Variants in SEPTIN9 observed in about 807,000 individuals in gnomAD.
The protein encoded by SEPTIN9 is septin 9.
A neutral mutation model predicts 56.6 loss-of-function variants in SEPTIN9; 13 were observed. That is an observed-to-expected ratio of 0.23 (90% CI 0.15 to 0.37). SEPTIN9 has a LOEUF of 0.37. SEPTIN9 is among the 10% of genes least tolerant of loss of function. The probability of loss-of-function intolerance (pLI) is 1.00; values close to 1 mark genes in which losing one functional copy is unlikely to be tolerated. For missense variants in SEPTIN9, 650 were observed against 823.1 expected (o/e 0.79, Z 2.57); for synonymous variants, 332 against 334.1 (o/e 0.99, Z 0.07).
At chr17:77,480,011 T>C (rs1336820809) in intron 3 of SEPTIN9, among the ~76,000 whole-genome samples, 1 of 152,054 alleles carries the variant, frequency 6.6e-6, no homozygotes, top group Non-Finnish European at 1.5e-5. Context: ...GGAGAGTATT[T>C]CTGAAGGGGG....
At chr17:77,394,145 A>T (rs556342429) in intron 2 of SEPTIN9, among the ~76,000 whole-genome samples, 1 of 152,092 alleles carries the variant, frequency 6.6e-6, no homozygotes, top group Non-Finnish European at 1.5e-5. Context: ...AGCCTTTGCA[A>T]CTGGACCCCA....
In SEPTIN9 at chr17:77,499,044, A is replaced by G; in HGVS notation, c.*386A>G. ...GGGCCAGGCCTCGCACTTGCAGAGGAGCCCAGTGGGCTGCACGCTCCCCTC... is the reference window on the plus strand; with the variant it reads ...GGGCCAGGCCTCGCACTTGCAGAGGGGCCCAGTGGGCTGCACGCTCCCCTC... On this transcript the variant is annotated 3_prime_UTR_variant, in exon 12 of 12. Coordinates refer to ENST00000427177, the MANE Select transcript of SEPTIN9 (RefSeq NM_001113491.2). 1 of 537,996 alleles carries G rather than the reference A, an allele frequency of 1.9e-6. No homozygotes were observed. Among genetic ancestry groups the G allele is most frequent in the Non-Finnish European group, 3.6e-6 (1 of 277,732 alleles). 33.3% of individuals were successfully genotyped at this position (537,996 alleles called of 1,614,324 possible).
At position 77,400,010 on chromosome 17, in the gene SEPTIN9, C is replaced by T. The variant is rs146816215; in HGVS notation, c.77-2049C>T. 1.1e-4 allele frequency among the ~76,000 whole-genome samples: 17 copies of T among 152,254 alleles called. No individual in the cohort carries two copies. In the East Asian group the frequency reaches 1.4e-3, roughly 12 times the overall value. ...GTTTTAGTTTGTGGAGACAGAGTCT[C>T]GCTCTGTCAGTCAGGCTGAGTGCAG... On this transcript the variant is annotated intron_variant, in intron 2 of 11. Transcript: ENST00000427177. The surrounding 1 kb of genome is among the most constrained non-coding windows in gnomAD (Gnocchi z 4.1).
At chr17:77,373,642 A>G in intron 2 of SEPTIN9, 1 of 1,498,476 alleles carries the variant, frequency 6.7e-7, no homozygotes, top group Non-Finnish European at 8.9e-7. Flanking sequence ...CGCTGAGGGG[A>G]GACGGGAGTG....
intron 2 of SEPTIN9, among the ~76,000 whole-genome samples, chr17:77,365,161 C>T (rs2034534549): frequency 6.6e-6 from 1 of 152,148 alleles, no homozygotes; most frequent in Non-Finnish European, 1.5e-5. Flanking sequence ...GCCACCCACC[C>T]ACACCGCTAC....
At chr17:77,404,668 G>C (rs555071388) in intron 3 of SEPTIN9, among the ~76,000 whole-genome samples, 61 of 152,298 alleles carry the variant, frequency 4.0e-4, no homozygotes, top group Admixed American at 8.5e-4. Context: ...GCTTTCATGG[G>C]CATGTGGAGT....
Position 77,445,256 on chromosome 17 carries a change from A to G in SEPTIN9, c.722-36888A>G, listed in dbSNP as rs772029389. 2.1e-5 allele frequency: 10 copies of G among 470,218 alleles called. 1 individual carries two copies. Among genetic ancestry groups the G allele is most frequent in the South Asian group, 1.5e-4 (10 of 64,568 alleles). The allele number at this position is 470,218 out of a possible 1,614,324, so 29.1% of individuals were successfully genotyped here. A position where few individuals can be genotyped will look rare whatever the true frequency, so the allele number is the denominator to read the frequency against. ...CTACAAATGCATACCAGCCCTCAGA[A>G]CCACATTCCTGCTCCCCAGCCCTTT... On this transcript the variant is annotated intron_variant, in intron 3 of 11. Transcript: ENST00000427177. The surrounding 1 kb of genome is among the most constrained non-coding windows in gnomAD (Gnocchi z 4.7).
At chr17:77,484,746 T>G (rs376802271) in intron 4 of SEPTIN9, among the ~76,000 whole-genome samples, 1 of 54,198 alleles carries the variant, frequency 1.8e-5, no homozygotes, top group Admixed American at 1.5e-4. Context: ...GTGGTGGTGG[T>G]GGTTGTGATG....
chr17:77,483,688 G>C (rs1202878162), intron 4 of SEPTIN9: 1 of 152,320 alleles, frequency 6.6e-6, no homozygotes, highest in African/African-American at 2.4e-5. Flanking sequence ...CCCAAGGAGA[G>C]GGAGAGGCAG....
intron 7 of SEPTIN9, among the ~76,000 whole-genome samples, chr17:77,489,380 G>A (rs1450266680): frequency 3.9e-5 from 6 of 152,156 alleles, no homozygotes; most frequent in Non-Finnish European, 8.8e-5. Context: ...CGCACCTGAC[G>A]TCGCCCCTAG....
At position 77,319,162 on chromosome 17, in the gene SEPTIN9, C is replaced by T. The variant is rs910962463; in HGVS notation, c.76+11965C>T. 7.9e-5 allele frequency among the ~76,000 whole-genome samples: 12 copies of T among 152,200 alleles called. No homozygotes were observed. The highest frequency in any genetic ancestry group is 2.2e-4 in the African/African-American group (9 of 41,448). ...GCCAACAGAACCAGCCTCCGTGTCT[C>T]GGGTTTGAATGAACCCTTGAGGTGA... On this transcript the variant is annotated intron_variant, in intron 2 of 11. Transcript: ENST00000427177. This position sits in a 1 kb window ranked among gnomAD's most constrained non-coding sequence, Gnocchi z 5.3.
intron 1 of SEPTIN9, among the ~76,000 whole-genome samples, chr17:77,305,069 G>A (rs1473251546): frequency 6.6e-6 from 1 of 152,158 alleles, no homozygotes; most frequent in Non-Finnish European, 1.5e-5. Context: ...GCAGATGCTG[G>A]CCCTTCCATC....
chr17:77,366,348 G>A (rs2034570787), intron 2 of SEPTIN9, among the ~76,000 whole-genome samples: 1 of 152,330 alleles, frequency 6.6e-6, no homozygotes. Flanking sequence ...AGTAGGAACA[G>A]GAGTAGGAGG....
intron 2 of SEPTIN9, among the ~76,000 whole-genome samples, chr17:77,354,574 C>T (rs890630366): frequency 2.7e-4 from 41 of 152,172 alleles, no homozygotes; most frequent in African/African-American, 9.6e-4. Context: ...GCCGGAGCCC[C>T]TCCTGCCTGC....
intron 2 of SEPTIN9, among the ~76,000 whole-genome samples, chr17:77,338,285 A>G (rs1470679034): frequency 6.6e-6 from 1 of 152,160 alleles, no homozygotes; most frequent in Non-Finnish European, 1.5e-5. Flanking sequence ...AAAAATGCTA[A>G]TAATCATCTG....
intron 3 of SEPTIN9, among the ~76,000 whole-genome samples, chr17:77,477,914 C>G (rs1259507139): frequency 6.6e-6 from 1 of 152,168 alleles, no homozygotes; most frequent in East Asian, 1.9e-4. Context: ...GGGACCCAGA[C>G]AGATCCTTGC....
chr17:77,426,381 C>T (rs2036913011), intron 3 of SEPTIN9, among the ~76,000 whole-genome samples: 1 of 152,076 alleles, frequency 6.6e-6, no homozygotes, highest in Non-Finnish European at 1.5e-5. Flanking sequence ...CAGCGTGAGC[C>T]CAGGAGCCCC....
intron 3 of SEPTIN9, among the ~76,000 whole-genome samples, chr17:77,457,219 C>T (rs569786731): frequency 1.3e-5 from 2 of 152,310 alleles, no homozygotes; most frequent in South Asian, 2.1e-4. Context: ...CATACAGCCT[C>T]GGCCCTCGCT....
Position 77,484,111 on chromosome 17 carries a change from G to C in SEPTIN9, c.913+1776G>C, listed in dbSNP as rs183423443. 12 of 152,454 alleles carry C rather than the reference G, an allele frequency of 7.9e-5. No homozygotes were observed. In the East Asian group the frequency reaches 1.7e-3, roughly 22 times the overall value. 9.4% of individuals were successfully genotyped at this position (152,454 alleles called of 1,614,324 possible). A position where few individuals can be genotyped will look rare whatever the true frequency, so the allele number is the denominator to read the frequency against. On this transcript the variant is annotated intron_variant, in intron 4 of 11. Transcript: ENST00000427177. ...CATCCCATAAAGTGAGATCAAGCGAGCTAGGCCCCGGGCAGGGTCCCCAAC... is the reference window on the plus strand; with the variant it reads ...CATCCCATAAAGTGAGATCAAGCGACCTAGGCCCCGGGCAGGGTCCCCAAC...
Sources: gnomAD v4.1 joint callset for allele counts (sites outside exome capture counted in the v4.1 genomes callset) on GRCh38, gnomAD v4.1.1 for gene constraint, Gnocchi (gnomAD v3.1) non-coding constraint, MANE v1.5 for transcripts, NCBI Gene and HGNC (gene_info 2026-07-23, HGNC 2026-07-21) for gene names.